BLTP3B: variants seen among roughly 807,000 people sequenced by gnomAD.
BLTP3B encodes UHRF1 (ICBP90) binding protein 1-like.
the BLTP3B span, among the ~76,000 whole-genome samples, chr12:100,080,557 G>T: frequency 6.6e-6 from 1 of 152,138 alleles, no homozygotes; most frequent in Non-Finnish European, 1.5e-5. Flanking sequence ...GATTTGCATG[G>T]GGCCTGTAGC....
chr12:100,137,927 C>T, the BLTP3B span, among the ~76,000 whole-genome samples: 1 of 152,130 alleles, frequency 6.6e-6, no homozygotes, highest in East Asian at 1.9e-4. Flanking sequence ...GCTAATTGAA[C>T]CATGGGTAGA....
At chr12:100,068,626 A>G in the BLTP3B span, among the ~76,000 whole-genome samples, 1 of 152,236 alleles carries the variant, frequency 6.6e-6, no homozygotes, top group African/African-American at 2.4e-5. Context: ...AGAAGCTACA[A>G]TGAACTCAAA....
chr12:100,130,959 T>TAG, the BLTP3B span, among the ~76,000 whole-genome samples: 11 of 126,442 alleles, frequency 8.7e-5, no homozygotes, highest in East Asian at 5.0e-4. Flanking sequence ...CATATATATA[T>TAG]ATAGAGAGAG....
chr12:100,090,250 A>G, the BLTP3B span, among the ~76,000 whole-genome samples: 2 of 152,220 alleles, frequency 1.3e-5, no homozygotes, highest in East Asian at 1.9e-4. Context: ...TTGAATAACT[A>G]AAGAAGCCAG....
At chr12:100,055,460 T>C in the BLTP3B span, among the ~76,000 whole-genome samples, 4 of 152,046 alleles carry the variant, frequency 2.6e-5, no homozygotes, top group African/African-American at 9.7e-5. Context: ...GAGGATCACC[T>C]GAGGCCAGGA....
the BLTP3B span, among the ~76,000 whole-genome samples, chr12:100,053,529 G>T: frequency 5.7e-4 from 87 of 152,232 alleles, no homozygotes; most frequent in African/African-American, 2.1e-3. Context: ...GTTTATATGT[G>T]TTCATAAATA....
At chr12:100,039,145 T>C in the BLTP3B span, among the ~76,000 whole-genome samples, 2 of 151,074 alleles carry the variant, frequency 1.3e-5, no homozygotes, top group Non-Finnish European at 1.5e-5. Flanking sequence ...GCTGAACATT[T>C]TGTTTCTTTA....
chr12:100,060,375 G>C, the BLTP3B span, among the ~76,000 whole-genome samples: 1 of 152,138 alleles, frequency 6.6e-6, no homozygotes, highest in African/African-American at 2.4e-5. Context: ...TCTTTCCTAA[G>C]GTTGTATTTA....
At chr12:100,081,067 T>C in the BLTP3B span, among the ~76,000 whole-genome samples, 512 of 152,194 alleles carry the variant, frequency 3.4e-3, 2 homozygotes, top group African/African-American at 0.012. Context: ...CCTGCTGCCA[T>C]CCACATAAGA....
At chr12:100,129,894 C>T in the BLTP3B span, among the ~76,000 whole-genome samples, 8 of 152,192 alleles carry the variant, frequency 5.3e-5, no homozygotes, top group East Asian at 5.8e-4. Context: ...TTTGTATACA[C>T]GCTCTAGTCC....
At chr12:100,056,824 G>GAA in the BLTP3B span, among the ~76,000 whole-genome samples, 2,456 of 137,544 alleles carry the variant, frequency 0.018, 19 homozygotes, top group Non-Finnish European at 0.022. Flanking sequence ...GCGACAGAGT[G>GAA]AAAAAAAAAA....
chr12:100,109,425 T>C, the BLTP3B span, among the ~76,000 whole-genome samples: 4 of 152,194 alleles, frequency 2.6e-5, no homozygotes, highest in East Asian at 7.7e-4. Flanking sequence ...TAATTTATTG[T>C]ACGTTTTAAA....
the BLTP3B span, chr12:100,058,888 A>G: frequency 6.2e-7 from 1 of 1,613,888 alleles, no homozygotes; most frequent in East Asian, 2.2e-5. Flanking sequence ...GAGGAAGGGG[A>G]AAATCTGAAA....
At chr12:100,141,944 G>A in the BLTP3B span, among the ~76,000 whole-genome samples, 2 of 152,012 alleles carry the variant, frequency 1.3e-5, no homozygotes, top group African/African-American at 4.8e-5. Flanking sequence ...AAAATGTTCA[G>A]TAATAATGAT....
the BLTP3B span, among the ~76,000 whole-genome samples, chr12:100,093,941 G>A: frequency 2.0e-5 from 3 of 152,040 alleles, no homozygotes; most frequent in Non-Finnish European, 2.9e-5. Flanking sequence ...ATGTCTGCCT[G>A]TGAACTGCTA....
At chr12:100,124,899 G>T in the BLTP3B span, among the ~76,000 whole-genome samples, 1 of 138,408 alleles carries the variant, frequency 7.2e-6, no homozygotes, top group Non-Finnish European at 1.5e-5. Flanking sequence ...TCCCACCTGG[G>T]TGACAGAGTG....
At chr12:100,082,972 A>G in the BLTP3B span, 1 of 1,411,692 alleles carries the variant, frequency 7.1e-7, no homozygotes, top group Non-Finnish European at 1.0e-6. Context: ...TAGATGAGAT[A>G]CTAAAGTGTT....
chr12:100,051,288 T>G, the BLTP3B span: 1 of 1,412,664 alleles, frequency 7.1e-7, no homozygotes, highest in Non-Finnish European at 9.5e-7. Context: ...CACTGTATGC[T>G]TATTTAACAA....
chr12:100,068,261 T>C, the BLTP3B span, among the ~76,000 whole-genome samples: 1 of 152,198 alleles, frequency 6.6e-6, no homozygotes, highest in Non-Finnish European at 1.5e-5. Flanking sequence ...GACACACTTT[T>C]CAACAAATGG....
Sources: allele counts gnomAD v4.1 joint callset (sites outside exome capture counted in the v4.1 genomes callset), GRCh38; gene constraint gnomAD v4.1.1; transcripts MANE v1.5; gene names NCBI Gene and HGNC (gene_info 2026-07-23, HGNC 2026-07-21).